The following BUB1B variants were observed in gnomAD, a reference collection of about 807,000 sequenced individuals.
The protein encoded by BUB1B is BUB1 mitotic checkpoint serine/threonine kinase B.
Under a neutral mutation model 137.7 loss-of-function variants are expected in BUB1B, and 86 were observed. The ratio of observed to expected loss-of-function variants is 0.62; its 90% CI spans 0.52 to 0.75. The LOEUF (loss-of-function observed/expected upper bound fraction) is 0.75. Ranked by LOEUF, BUB1B falls within the 30% of genes least tolerant of loss-of-function variation. BUB1B has a pLI of 0.00. For missense variants in BUB1B, 1,130 were observed against 1,236.9 expected (o/e 0.91, Z 1.30); for synonymous variants, 420 against 417.9 (o/e 1.00, Z -0.06).
At chr15:40,181,182 C>G (rs1032927606) in intron 5 of BUB1B, among the ~76,000 whole-genome samples, 3 of 151,910 alleles carry the variant, frequency 2.0e-5, no homozygotes, top group Non-Finnish European at 4.4e-5. Flanking sequence ...ACCTCCACCT[C>G]CCGGGTTCAA....
chr15:40,210,068 T>C, intron 17 of BUB1B, 42 bp from the exon 18 acceptor site: 1 of 1,486,018 alleles, frequency 6.7e-7, no homozygotes. Context: ...GGGCTGTATA[T>C]GTTCACAGTG....
chr15:40,199,576 T>C, intron 9 of BUB1B, 39 bp from the exon 10 acceptor site: 1 of 1,528,416 alleles, frequency 6.5e-7, no homozygotes, highest in East Asian at 2.3e-5. Context: ...AATGAGTTAC[T>C]ATGAGGAATA....
rs1175404153 is a variant in BUB1B, at chr15:40,221,048, T to C, written c.*289T>C. On this transcript the variant is annotated 3_prime_UTR_variant, in exon 23 of 23. Coordinates refer to ENST00000287598, the MANE Select transcript of BUB1B (RefSeq NM_001211.6). The stretch of plus-strand genomic sequence containing the variant: ...TTTGTCTCTACTTTTCCCTGTACTT[T>C]TCCCATTTGTAATTTGTAAAATGTT... The C allele has an allele frequency of 1.6e-5, 7 of 432,990 alleles. No homozygotes were observed. Among genetic ancestry groups the C allele is most frequent in the Non-Finnish European group, 2.5e-5 (6 of 238,498 alleles). 26.8% of individuals were successfully genotyped at this position (432,990 alleles called of 1,614,324 possible). A position where few individuals can be genotyped will look rare whatever the true frequency, so the allele number is the denominator to read the frequency against.
At chr15:40,204,498 T>C (rs2140903078) in intron 14 of BUB1B, among the ~76,000 whole-genome samples, 1 of 151,190 alleles carries the variant, frequency 6.6e-6, no homozygotes, top group Non-Finnish European at 1.5e-5. Context: ...CCTACCAGAA[T>C]TTTCATCCCC....
At chr15:40,215,326 G>A (rs2037762315) in intron 20 of BUB1B, among the ~76,000 whole-genome samples, 1 of 151,844 alleles carries the variant, frequency 6.6e-6, no homozygotes, top group South Asian at 2.1e-4. Flanking sequence ...TACAAAATTA[G>A]CCAGGTATGG....
intron 9 of BUB1B, among the ~76,000 whole-genome samples, chr15:40,198,948 C>T (rs956025821): frequency 2.6e-4 from 39 of 152,142 alleles, no homozygotes; most frequent in Admixed American, 3.9e-4. Context: ...CTCCATGTGG[C>T]TTAGCCTTTA....
chr15:40,196,292 T>C (rs922499372), intron 8 of BUB1B, among the ~76,000 whole-genome samples: 2 of 152,192 alleles, frequency 1.3e-5, no homozygotes, highest in African/African-American at 4.8e-5. Context: ...ATCAGTTGAC[T>C]GTGAGTATTT....
chr15:40,217,328 G>T (rs746127364), intron 20 of BUB1B, 168 bp from the exon 21 acceptor site: 3 of 678,830 alleles, frequency 4.4e-6, no homozygotes, highest in Non-Finnish European at 7.7e-6. Context: ...GCATTGGGTG[G>T]ACACTGCCAC....
At position 40,213,479 on chromosome 15, in the gene BUB1B, G is replaced by C; in HGVS notation, c.2678+5G>C. On this transcript the variant is annotated splice_donor_5th_base_variant and intron_variant, in intron 20 of 22. Coordinates refer to ENST00000287598, the MANE Select transcript of BUB1B (RefSeq NM_001211.6). ...GTGTCTGATTCTCAGAAACAGGTTGGTCCTTTTCATTCTTATAATTCTGCC... is the reference window on the plus strand; with the variant it reads ...GTGTCTGATTCTCAGAAACAGGTTGCTCCTTTTCATTCTTATAATTCTGCC... 6.2e-7 allele frequency: 1 copy of C among 1,613,964 alleles called. No individual in the cohort carries two copies. Among genetic ancestry groups the C allele is most frequent in the Non-Finnish European group, 8.5e-7 (1 of 1,179,976 alleles).
intron 8 of BUB1B, among the ~76,000 whole-genome samples, chr15:40,186,035 T>C (rs536396514): frequency 2.6e-5 from 4 of 152,202 alleles, no homozygotes; most frequent in Non-Finnish European, 4.4e-5. Context: ...ATGGTGGCTA[T>C]TCTGGAAGAT....
chr15:40,177,592 C>A (rs1474998903), intron 5 of BUB1B, among the ~76,000 whole-genome samples: 2 of 151,978 alleles, frequency 1.3e-5, no homozygotes, highest in Non-Finnish European at 2.9e-5. Flanking sequence ...ACGTGTCTAT[C>A]CATTAGTGTT....
chr15:40,202,888 A>G (rs1698175228), intron 14 of BUB1B, among the ~76,000 whole-genome samples, 194 bp downstream of exon 14: 2 of 152,246 alleles, frequency 1.3e-5, no homozygotes, highest in South Asian at 2.1e-4. Flanking sequence ...TAGGATAGCT[A>G]TAATAAAAAA....
chr15:40,220,005 G>T (rs980581189), intron 22 of BUB1B, among the ~76,000 whole-genome samples: 3 of 152,186 alleles, frequency 2.0e-5, no homozygotes, highest in African/African-American at 7.2e-5. Context: ...GGTCCAGGCA[G>T]GTCTGGCTAA....
intron 8 of BUB1B, among the ~76,000 whole-genome samples, chr15:40,189,463 G>A (rs1206309821): frequency 4.8e-4 from 73 of 152,198 alleles, no homozygotes; most frequent in Non-Finnish European, 4.4e-5. Context: ...TCCAGGCAGT[G>A]TATGGTCTTT....
rs1262015416 is a variant in BUB1B, at chr15:40,210,191, C to T, written c.2366C>T (p.Ala789Val). 1.2e-6 allele frequency: 2 copies of T among 1,603,186 alleles called. No individual in the cohort carries two copies. Among genetic ancestry groups the T allele is most frequent in the Non-Finnish European group, 1.7e-6 (2 of 1,170,454 alleles). Reference protein sequence around the residue: ...KLFWVAPRNSAELTVIKVSSQ... With the variant: ...KLFWVAPRNSVELTVIKVSSQ... ...TTCTGGGTGGCGCCAAGAAACTCTG[C>T]AGAATTAACAGTAATAAAGGTGGGA... The change falls in exon 18 of 23, where the codon GCA becomes GTA. Residue 789 changes from alanine to valine, a missense_variant. Transcript: ENST00000287598.
intron 2 of BUB1B, 112 bp from the exon 3 acceptor site, chr15:40,169,950 A>G: frequency 1.1e-6 from 1 of 930,802 alleles, no homozygotes. Context: ...ACTCTAGTGC[A>G]ATAATTTAGA....
At chr15:40,210,563 A>G (rs1408312533) in intron 18 of BUB1B, among the ~76,000 whole-genome samples, 2 of 152,096 alleles carry the variant, frequency 1.3e-5, no homozygotes, top group Non-Finnish European at 2.9e-5. Context: ...AGGCTGGAGT[A>G]CAGTAGCATG....
At position 40,209,142 on chromosome 15, in the gene BUB1B, G is replaced by A. The variant is rs1403197019; in HGVS notation, c.2143+372G>A. 3.3e-5 allele frequency among the ~76,000 whole-genome samples: 5 copies of A among 152,132 alleles called. No homozygotes were observed. In the East Asian group the frequency reaches 5.8e-4, roughly 18 times the overall value. On this transcript the variant is annotated intron_variant, in intron 16 of 22. Coordinates refer to ENST00000287598, the MANE Select transcript of BUB1B (RefSeq NM_001211.6). ...TTCCTTCTTAAAGAAGTTGCCGGCC[G>A]GGTGCGGTGGCTCACGCCTGTAATC...
intron 8 of BUB1B, among the ~76,000 whole-genome samples, chr15:40,193,439 CT>C (rs71132152): frequency 0.56 from 62,505 of 112,498 alleles, 16,274 homozygotes; most frequent in Non-Finnish European, 0.64. Context: ...TTACTATCAT[CT>C]TTTTTTTTTT....
Sources: gnomAD v4.1 joint callset for allele counts (sites outside exome capture counted in the v4.1 genomes callset) on GRCh38, gnomAD v4.1.1 for gene constraint, MANE v1.5 for transcripts, NCBI Gene and HGNC (gene_info 2026-07-23, HGNC 2026-07-21) for gene names.